HMCN2: variants seen among roughly 807,000 people sequenced by gnomAD.
HMCN2 encodes hemicentin-2.
In HMCN2, 325 loss-of-function variants were observed where a neutral mutation model predicts 377.5. The ratio of observed to expected loss-of-function variants is 0.86; its 90% confidence interval spans 0.79 to 0.94. The LOEUF (loss-of-function observed/expected upper bound fraction) is 0.94. HMCN2 is among the 40% of genes least tolerant of loss of function. The pLI is 0.00. For missense variants in HMCN2, 4,543 were observed against 4,725.3 expected, an observed-to-expected ratio of 0.96 and a Z score of 1.13; for synonymous variants, 2,007 against 2,046.8, an observed-to-expected ratio of 0.98 and a Z score of 0.53.
At chr9:130,267,615 G>A (rs1834192469) in intron 1 of HMCN2, among the ~76,000 whole-genome samples, 1 of 152,228 alleles carries the variant, frequency 6.6e-6, no homozygotes, top group African/African-American at 2.4e-5. Flanking sequence ...CAGGTTCTTA[G>A]AAAATGGACA....
At chr9:130,379,496 G>A (rs1841583964) in intron 54 of HMCN2, 29 bp downstream of exon 54, 20 of 957,806 alleles carry the variant, frequency 2.1e-5, no homozygotes, top group Non-Finnish European at 2.4e-5. Context: ...AAGAAAGTGG[G>A]CGCTTTGAGC....
At chr9:130,399,661 A>C (rs1588397093) in intron 76 of HMCN2, 29 bp downstream of exon 76, 1 of 1,269,258 alleles carries the variant, frequency 7.9e-7, no homozygotes, top group Non-Finnish European at 1.0e-6. Context: ...GGAGGGGGAC[A>C]CCTGGGGTGG....
intron 4 of HMCN2, among the ~76,000 whole-genome samples, chr9:130,294,275 G>A (rs781948149): frequency 5.9e-5 from 9 of 152,208 alleles, no homozygotes; most frequent in Non-Finnish European, 8.8e-5. Flanking sequence ...TCCAAAAGAT[G>A]TAAGACTTTA....
chr9:130,432,993 C>G (rs112397517), intron 97 of HMCN2: 4 of 381,330 alleles, frequency 1.0e-5, no homozygotes, highest in Admixed American at 4.4e-5. Flanking sequence ...CAAGGCTAAG[C>G]GCAGTCTCCA....
chr9:130,320,860 G>C lies in HMCN2; in HGVS notation c.2732G>C (p.Gly911Ala), dbSNP rs1202100051. ...TCCCTGCCCTGCATCGTCCTAGCTG[G>C]GCGGCCCCTCCCGGAAAGGCACTGG... Reference protein sequence around the residue: ...PVSLPCIVLAGRPLPERHWLK... With the variant: ...PVSLPCIVLAARPLPERHWLK... The change falls in exon 18 of 98, where the codon GGG (glycine) becomes GCG (alanine). Residue 911 changes from glycine to alanine, a missense_variant. By Grantham distance (60) the Gly-to-Ala change is moderately conservative. This residue lies in a region of HMCN2 where 547 missense variants were observed against 189.9 expected (regional missense o/e 2.88). Transcript: ENST00000683500. 6.6e-6 allele frequency: 1 copy of C among 152,242 alleles called. No individual in the cohort carries two copies. The highest frequency in any genetic ancestry group is 1.5e-5 in the Non-Finnish European group (1 of 68,116). The allele number at this position is 152,242 out of a possible 1,614,324, so 9.4% of individuals were successfully genotyped here.
intron 96 of HMCN2, 46 bp from the exon 97 acceptor site, chr9:130,432,383 C>T: frequency 6.5e-7 from 1 of 1,548,482 alleles, no homozygotes; most frequent in South Asian, 1.2e-5. Context: ...CTCCTTTGCT[C>T]CATCTTTTCA....
Position 130,398,551 on chromosome 9 carries a change from A to G in HMCN2, c.11327A>G (p.Glu3776Gly). 1 of 1,235,056 alleles carries G rather than the reference A, an allele frequency of 8.1e-7. No individual in the cohort carries two copies. The highest frequency in any genetic ancestry group is 1.0e-6 in the Non-Finnish European group (1 of 955,802). 76.5% of individuals were successfully genotyped at this position (1,235,056 alleles called of 1,614,324 possible). A position where few individuals can be genotyped will look rare whatever the true frequency, so the allele number is the denominator to read the frequency against. The stretch of plus-strand genomic sequence containing the variant: ...CTCCTGACCACTGTGCTCTCCCCAG[A>G]GCCTCCAGCCATCGCCCCCAGCCCC... The part of the protein sequence containing the change: ...DRQGRDLRVL[E>G]PPAIAPSPSN... Residue 3776 changes from glutamate to glycine, a missense_variant and splice_region_variant, in exon 75 of 98, where the codon GAG becomes GGG. By Grantham distance (98) the Glu-to-Gly change is moderately conservative. Coordinates refer to ENST00000683500, the MANE Select transcript of HMCN2 (RefSeq NM_001291815.2).
intron 82 of HMCN2, 79 bp downstream of exon 82, chr9:130,406,247 C>A: frequency 1.7e-6 from 2 of 1,170,384 alleles, no homozygotes; most frequent in Non-Finnish European, 2.3e-6. Flanking sequence ...TGGGGAGACC[C>A]AACCTAGTGG....
At chr9:130,331,700 C>T (rs1838437425) in intron 22 of HMCN2, among the ~76,000 whole-genome samples, 2 of 152,314 alleles carry the variant, frequency 1.3e-5, no homozygotes, top group South Asian at 4.1e-4. Context: ...GCTCTGGTCC[C>T]ATGATTCAGC....
intron 25 of HMCN2, among the ~76,000 whole-genome samples, chr9:130,344,000 A>G (rs1839201886): frequency 1.3e-5 from 2 of 151,472 alleles, no homozygotes; most frequent in South Asian, 2.1e-4. Flanking sequence ...GGGACTCTGC[A>G]CAGTGGGGAG....
chr9:130,361,940 G>A lies in HMCN2; in HGVS notation c.5951-68G>A, dbSNP rs1840407912. 1.0e-6 allele frequency: 1 copy of A among 968,738 alleles called. No individual in the cohort carries two copies. The highest frequency in any genetic ancestry group is 1.2e-6 in the Non-Finnish European group (1 of 814,344). 60.0% of individuals were successfully genotyped at this position (968,738 alleles called of 1,614,324 possible). On this transcript the variant is annotated intron_variant, in intron 38 of 97. Transcript: ENST00000683500. The surrounding 1 kb of genome is among the most constrained non-coding windows in gnomAD (Gnocchi z 4.8). Reference sequence around the variant, plus strand: ...CTGTGTGCTCCTGCAGGGGTGCCCAGCCAGGGGCCCTGCCTGCTTTGCCCC... The same window carrying A: ...CTGTGTGCTCCTGCAGGGGTGCCCAACCAGGGGCCCTGCCTGCTTTGCCCC...
chr9:130,429,566 A>G lies in HMCN2; in HGVS notation c.14207A>G (p.Glu4736Gly). The G allele has an allele frequency of 1.3e-6, 2 of 1,550,442 alleles. No individual in the cohort carries two copies. Among genetic ancestry groups the G allele is most frequent in the Middle Eastern group, 1.7e-4 (1 of 5,986 alleles). ...TGCCCCTGCCTCCCAGATGTGGACG[A>G]ATGCCTGGAGGGGTTGGACGACTGT... ...ADGAGCEDVD[E>G]CLEGLDDCHY... Residue 4736 changes from glutamate (E) to glycine (G), a missense_variant, in exon 94 of 98, where the codon GAA (glutamate) becomes GGA (glycine). This residue lies in a region of HMCN2 where 1,155 missense variants were observed against 1,157.7 expected (regional missense o/e 1.00). Coordinates refer to ENST00000683500, the MANE Select transcript of HMCN2 (RefSeq NM_001291815.2).
At position 130,433,942 on chromosome 9, in the gene HMCN2, C is replaced by A. The variant is rs1420310441; in HGVS notation, c.*249C>A. ...TCCCGCAGGCAGGGCCCGGGGAAGCCCGGATCAGACCTCCAGGTCTGATCC... is the reference window on the plus strand; with the variant it reads ...TCCCGCAGGCAGGGCCCGGGGAAGCACGGATCAGACCTCCAGGTCTGATCC... On this transcript the variant is annotated 3_prime_UTR_variant, in exon 98 of 98. Transcript: ENST00000683500. 9.1e-6 allele frequency: 4 copies of A among 437,596 alleles called. No homozygotes were observed. The highest frequency in any genetic ancestry group is 1.6e-5 in the Non-Finnish European group (4 of 250,066). 27.1% of individuals were successfully genotyped at this position (437,596 alleles called of 1,614,324 possible).
At chr9:130,356,913 G>A in intron 34 of HMCN2, among the ~76,000 whole-genome samples, 1 of 151,734 alleles carries the variant, frequency 6.6e-6, no homozygotes, top group African/African-American at 2.4e-5. Context: ...TGGATGGATG[G>A]GTGGGTGGAT....
rs533974204 is a variant in HMCN2, at chr9:130,395,013, C to A, written c.10693-14C>A. 2 of 1,280,792 alleles carry A rather than the reference C, an allele frequency of 1.6e-6. No individual in the cohort carries two copies. Among genetic ancestry groups the A allele is most frequent in the African/African-American group, 3.0e-5 (2 of 65,586 alleles). 79.3% of individuals were successfully genotyped at this position (1,280,792 alleles called of 1,614,324 possible). On this transcript the variant is annotated splice_polypyrimidine_tract_variant and intron_variant, in intron 69 of 97. Coordinates refer to ENST00000683500, the MANE Select transcript of HMCN2 (RefSeq NM_001291815.2). ...AGGGGCCAGGGGCAGCTGCTCAACCCGCTCCATCCCCAGGTTAGGGATGCT... is the reference window on the plus strand; with the variant it reads ...AGGGGCCAGGGGCAGCTGCTCAACCAGCTCCATCCCCAGGTTAGGGATGCT...
chr9:130,429,446 C>G (rs940736048), intron 93 of HMCN2, 111 bp from the exon 94 acceptor site: 232 of 1,380,910 alleles, frequency 1.7e-4, no homozygotes, highest in Non-Finnish European at 2.1e-4. Context: ...GGCACTGAAA[C>G]TGGAGAAGGG....
rs1588383904 is a variant in HMCN2 at position 130,393,569 on chromosome 9, G to A, written c.10235-173G>A. 1.3e-5 allele frequency among the ~76,000 whole-genome samples: 2 copies of A among 152,330 alleles called. No homozygotes were observed. The highest frequency in any genetic ancestry group is 2.9e-5 in the Non-Finnish European group (2 of 68,020). ...AGTAAAGAGACAATCACAATTCCAG[G>A]GAACTAGTGACACCAGGGGATGGAG... On this transcript the variant is annotated intron_variant, in intron 67 of 97. Coordinates refer to ENST00000683500, the MANE Select transcript of HMCN2 (RefSeq NM_001291815.2). The surrounding 1 kb of genome is among the most constrained non-coding windows in gnomAD (Gnocchi z 5.2).
In HMCN2 at chr9:130,266,087, G is replaced by A; in HGVS notation, c.209G>A (p.Arg70His). The change falls in exon 1 of 98, where the codon CGC becomes CAC. Residue 70 changes from arginine to histidine, a missense_variant. Arg to His is a conservative substitution (Grantham distance 29, BLOSUM62 0). Transcript: ENST00000683500. Reference protein sequence around the residue: ...ASRILERSLSRRSQAIANYAL... With the variant: ...ASRILERSLSHRSQAIANYAL... Reference sequence around the variant, plus strand: ...CGCATTCTGGAACGCAGTCTGAGCCGCCGCAGCCAGGCCATCGCCAACTAC... The same window carrying A: ...CGCATTCTGGAACGCAGTCTGAGCCACCGCAGCCAGGCCATCGCCAACTAC... The A allele has an allele frequency of 2.1e-6, 1 of 470,118 alleles. No homozygotes were observed. Among genetic ancestry groups the A allele is most frequent in the Non-Finnish European group, 4.4e-6 (1 of 227,010 alleles). The allele number at this position is 470,118 out of a possible 1,614,324, so 29.1% of individuals were successfully genotyped here.
At position 130,393,711 on chromosome 9, in the gene HMCN2, T is replaced by C. The variant is rs2131683874; in HGVS notation, c.10235-31T>C. ...TGGAGATGAGAGTCCTGGAATAAAA[T>C]GGTTCCTGCCCACCTTTCTGCCCTC... On this transcript the variant is annotated intron_variant, in intron 67 of 97. Transcript: ENST00000683500. This position sits in a 1 kb window ranked among gnomAD's most constrained non-coding sequence, Gnocchi z 5.2. 1 of 1,207,706 alleles carries C rather than the reference T, an allele frequency of 8.3e-7. No individual in the cohort carries two copies. 74.8% of individuals were successfully genotyped at this position (1,207,706 alleles called of 1,614,324 possible).
Sources: allele counts gnomAD v4.1 joint callset (sites outside exome capture counted in the v4.1 genomes callset), GRCh38; gene constraint gnomAD v4.1.1; regional missense constraint gnomAD v4.1.1; non-coding constraint Gnocchi (gnomAD v3.1); transcripts MANE v1.5; gene names NCBI Gene and HGNC (gene_info 2026-07-23, HGNC 2026-07-21).